The following ADAM9 variants were observed in gnomAD, a reference collection of about 807,000 sequenced individuals.
The protein encoded by ADAM9 is disintegrin and metalloproteinase domain-containing protein 9.
In ADAM9, 54 loss-of-function variants were observed where a neutral mutation model predicts 108.1. That is an observed-to-expected ratio of 0.50 (90% CI 0.40 to 0.63). The LOEUF is 0.63. ADAM9 is among the 20% of genes least tolerant of loss of function. ADAM9 has a pLI of 0.00. For synonymous variants in ADAM9, 316 were observed against 336.0 expected (o/e 0.94, Z 0.65); for missense variants, 830 against 997.7 (o/e 0.83, Z 2.26).
rs200352143 is a variant in ADAM9 at position 39,026,784 on chromosome 8, G to C, written c.1104G>C (p.Lys368Asn). The change falls in exon 11 of 22, where the codon AAG (lysine) becomes AAC (asparagine). Residue 368 changes from lysine to asparagine, a missense_variant. Physicochemically the swap from Lys to Asn is moderately conservative, Grantham distance 94 (BLOSUM62 0). Around this residue, in one of 3 missense-constraint regions of ADAM9, gnomAD observed 381 missense variants for 539.8 expected, o/e 0.71. Transcript: ENST00000487273. ...DDGRDCSCGA[K>N]SCIMNSGASG... ...GGAGAGATTGTTCCTGTGGAGCAAA[G>C]AGCTGCATCATGAATTCAGGAGCAT... 1.2e-6 allele frequency: 2 copies of C among 1,613,364 alleles called. No individual in the cohort carries two copies. The highest frequency in any genetic ancestry group is 8.5e-7 in the Non-Finnish European group (1 of 1,179,940).
intron 2 of ADAM9, among the ~76,000 whole-genome samples, chr8:39,009,484 C>G (rs1040344484): frequency 1.3e-5 from 2 of 152,194 alleles, no homozygotes; most frequent in African/African-American, 2.4e-5. Flanking sequence ...AGTGATCCAC[C>G]TGCTTCAGCC....
chr8:39,003,052 G>A (rs144869336), intron 1 of ADAM9, among the ~76,000 whole-genome samples: 84 of 151,812 alleles, frequency 5.5e-4, no homozygotes, highest in African/African-American at 2.0e-3. Context: ...AATTTTGCAT[G>A]TTTTGTAGAG....
chr8:39,064,083 A>C (rs1286368798), intron 14 of ADAM9, among the ~76,000 whole-genome samples: 1 of 152,134 alleles, frequency 6.6e-6, no homozygotes, highest in Admixed American at 6.5e-5. Flanking sequence ...AGGCAATCTC[A>C]TACTGTTAGT....
At chr8:39,013,334 C>T (rs1836418586) in intron 3 of ADAM9, among the ~76,000 whole-genome samples, 1 of 151,956 alleles carries the variant, frequency 6.6e-6, no homozygotes, top group Admixed American at 6.6e-5. Flanking sequence ...TTTACTTTTC[C>T]TGTGAGCCAT....
rs141827729 is a variant in ADAM9, at chr8:39,036,651, C to T, written c.1131-5295C>T. On this transcript the variant is annotated intron_variant, in intron 11 of 21. Transcript: ENST00000487273. ...AATACTTGAGTTGCTCTTCAAGCCC[C>T]GTATCAGGAGAAAGATCATTCTTTT... Among the ~76,000 whole-genome samples the T allele has an allele frequency of 5.3e-4, 81 of 152,238 alleles. 1 individual carries two copies. Among genetic ancestry groups the T allele is most frequent in the African/African-American group, 1.8e-3 (76 of 41,536 alleles).
chr8:39,013,269 T>TA, intron 3 of ADAM9, among the ~76,000 whole-genome samples: 1 of 152,226 alleles, frequency 6.6e-6, no homozygotes, highest in Middle Eastern at 3.4e-3. Flanking sequence ...GAAAAGAGTG[T>TA]AAAAAACCAT....
intron 12 of ADAM9, among the ~76,000 whole-genome samples, chr8:39,050,622 G>C (rs956225935): frequency 6.6e-6 from 1 of 151,940 alleles, no homozygotes; most frequent in Non-Finnish European, 1.5e-5. Flanking sequence ...TAGTTAACCT[G>C]GCCAGAGCTT....
chr8:39,059,023 G>T (rs1016021306), intron 14 of ADAM9, among the ~76,000 whole-genome samples: 1 of 152,212 alleles, frequency 6.6e-6, no homozygotes, highest in Non-Finnish European at 1.5e-5. Context: ...TTTCCACCAT[G>T]CTGTCAGCCA....
At chr8:39,061,007 C>G (rs960754122) in intron 14 of ADAM9, among the ~76,000 whole-genome samples, 1 of 152,246 alleles carries the variant, frequency 6.6e-6, no homozygotes, top group Non-Finnish European at 1.5e-5. Context: ...GGAGTCACCA[C>G]TTAGCTAAGC....
intron 12 of ADAM9, among the ~76,000 whole-genome samples, chr8:39,048,896 C>G (rs572617455): frequency 1.3e-5 from 2 of 151,420 alleles, no homozygotes; most frequent in East Asian, 3.9e-4. Context: ...GGTACCCCTG[C>G]TCTCTGTGGT....
chr8:39,023,371 A>G, intron 9 of ADAM9, 46 bp downstream of exon 9: 1 of 1,536,794 alleles, frequency 6.5e-7, no homozygotes, highest in Non-Finnish European at 8.8e-7. Context: ...AATCAAAATA[A>G]TAATTTTTGC....
chr8:39,092,634 TAA>T (rs550345945), intron 20 of ADAM9, among the ~76,000 whole-genome samples: 1 of 148,392 alleles, frequency 6.7e-6, no homozygotes, highest in East Asian at 1.9e-4. Flanking sequence ...ACAGTAGTGG[TAA>T]AAAAAAAACC....
intron 1 of ADAM9, among the ~76,000 whole-genome samples, chr8:39,004,648 A>C (rs1836104863): frequency 6.6e-6 from 1 of 152,238 alleles, no homozygotes; most frequent in African/African-American, 2.4e-5. Flanking sequence ...CGGGCTGCTC[A>C]GCTGAGTATA....
chr8:39,056,185 G>C (rs1038982709), intron 14 of ADAM9, among the ~76,000 whole-genome samples: 7 of 151,982 alleles, frequency 4.6e-5, no homozygotes, highest in Admixed American at 1.3e-4. Context: ...CTTACTGATA[G>C]ATATTTGGGA....
rs1837243091 is a variant in ADAM9, at chr8:39,035,552, C to T, written c.1131-6394C>T. ...ATAATTTCTAGACCGGGTGCGGTGG[C>T]TCACGCCTGTAATCCTAGCACTTTG... On this transcript the variant is annotated intron_variant, in intron 11 of 21. Transcript: ENST00000487273. 4.6e-5 allele frequency among the ~76,000 whole-genome samples: 7 copies of T among 152,238 alleles called. 1 individual carries two copies. In the South Asian group the frequency reaches 1.5e-3, roughly 32 times the overall value.
At chr8:39,037,050 C>CTTTTTTTTTTTTTTTTTTTTTTTTTTTTT (rs58876607) in intron 11 of ADAM9, among the ~76,000 whole-genome samples, 1 of 78,608 alleles carries the variant, frequency 1.3e-5, no homozygotes, top group Non-Finnish European at 2.2e-5. Flanking sequence ...TGCGCAAGTT[C>CTTTTTTTTTTTTTTTTTTTTTTTTTTTTT]TTTTTTTTTT....
chr8:39,079,330 C>T (rs1016105836), intron 16 of ADAM9, among the ~76,000 whole-genome samples: 1 of 123,128 alleles, frequency 8.1e-6, no homozygotes, highest in African/African-American at 2.7e-5. Context: ...TGGTCTTCAG[C>T]TCCTGGGCTC....
chr8:39,058,250 T>C lies in ADAM9; in HGVS notation c.1591+2478T>C, dbSNP rs111803168. ...ACGTGTGTGTGAATGCACACACACATACACACATGCAGCTATTCTTAATGA... is the reference window on the plus strand; with the variant it reads ...ACGTGTGTGTGAATGCACACACACACACACACATGCAGCTATTCTTAATGA... On this transcript the variant is annotated intron_variant, in intron 14 of 21. Coordinates refer to ENST00000487273, the MANE Select transcript of ADAM9 (RefSeq NM_003816.3). Among the ~76,000 whole-genome samples, 438 of 152,318 alleles carry C rather than the reference T, an allele frequency of 2.9e-3. 3 individuals are homozygous for C. Among genetic ancestry groups the C allele is most frequent in the African/African-American group, 0.01 (417 of 41,578 alleles).
At chr8:39,010,907 A>G (rs550314501) in intron 2 of ADAM9, among the ~76,000 whole-genome samples, 35 of 152,192 alleles carry the variant, frequency 2.3e-4, no homozygotes, top group Non-Finnish European at 2.5e-4. Flanking sequence ...AGCCTTACCA[A>G]TGTGGTGAAA....
Sources: gnomAD v4.1 joint callset for allele counts (sites outside exome capture counted in the v4.1 genomes callset) on GRCh38, gnomAD v4.1.1 for gene constraint, gnomAD v4.1.1 regional missense constraint, MANE v1.5 for transcripts, NCBI Gene and HGNC (gene_info 2026-07-23, HGNC 2026-07-21) for gene names.